GPHN: variants seen among roughly 807,000 people sequenced by gnomAD.
GPHN encodes gephyrin.
In GPHN, 17 loss-of-function variants were observed where a neutral mutation model predicts 95.5. The observed-to-expected ratio is 0.18, with a 90% CI of 0.12 to 0.27. The LOEUF (loss-of-function observed/expected upper bound fraction) is 0.27, where lower values mean the gene tolerates loss of function less well. Ranked by LOEUF, GPHN falls within the 10% of genes least tolerant of loss-of-function variation. The pLI, the probability that GPHN is intolerant of heterozygous loss-of-function variation, is 1.00. For synonymous variants in GPHN, 320 were observed against 322.5 expected (o/e 0.99, Z 0.08); for missense variants, 660 against 978.1 (o/e 0.67, Z 4.34).
chr14:67,630,010 C>T, the GPHN span, among the ~76,000 whole-genome samples: 1 of 152,178 alleles, frequency 6.6e-6, no homozygotes, highest in Non-Finnish European at 1.5e-5. Context: ...GAAGAGCCCT[C>T]GTTCTCAGTG....
chr14:67,640,874 T>C, the GPHN span, among the ~76,000 whole-genome samples: 2 of 152,204 alleles, frequency 1.3e-5, no homozygotes, highest in Non-Finnish European at 2.9e-5. Flanking sequence ...TAGTAAAGGA[T>C]AGAGGTTGAG....
chr14:66,925,089 C>T (rs1444496437), intron 8 of GPHN, among the ~76,000 whole-genome samples: 1 of 152,064 alleles, frequency 6.6e-6, no homozygotes, highest in Non-Finnish European at 1.5e-5. Context: ...AACTTAGCAT[C>T]CATAGTCTCT....
the GPHN span, among the ~76,000 whole-genome samples, chr14:67,451,383 C>T: frequency 0.41 from 62,935 of 152,034 alleles, 13,322 homozygotes; most frequent in Middle Eastern, 0.5. Flanking sequence ...AGCTTGCACC[C>T]GTCACCTGGA....
the GPHN span, among the ~76,000 whole-genome samples, chr14:67,456,364 G>C: frequency 6.6e-6 from 1 of 152,158 alleles, no homozygotes; most frequent in East Asian, 1.9e-4. Flanking sequence ...GCTTTGGGAG[G>C]CTGAGGTGGG....
chr14:66,985,644 T>C, intron 9 of GPHN: 1 of 1,409,230 alleles, frequency 7.1e-7, no homozygotes, highest in Non-Finnish European at 9.7e-7. Context: ...TCACTTTTTC[T>C]TTATTCTGTC....
chr14:67,424,360 ACAGTC>A, the GPHN span, among the ~76,000 whole-genome samples: 17 of 151,904 alleles, frequency 1.1e-4, no homozygotes, highest in African/African-American at 3.9e-4. Context: ...ATTCAAGCCT[ACAGTC>A]CTAGCACTCT....
At chr14:66,642,874 A>T (rs1324766364) in intron 1 of GPHN, among the ~76,000 whole-genome samples, 1 of 152,052 alleles carries the variant, frequency 6.6e-6, no homozygotes, top group Non-Finnish European at 1.5e-5. Context: ...TGAAAGATTT[A>T]AAAAATAAAG....
In GPHN at chr14:66,550,853, T is replaced by G. The variant is rs765915692; in HGVS notation, c.64+42262T>G. ...CATTTTTTTAGCAGTAAGGTTTTTT[T>G]TTGTTGTTGTTGTTTTTTTTTGAGA... is the stretch of plus-strand genomic sequence containing the variant. On this transcript the variant is annotated intron_variant, in intron 1 of 22. Transcript: ENST00000478722. Among the ~76,000 whole-genome samples the G allele has an allele frequency of 1.4e-4, 21 of 152,094 alleles. 2 individuals carry two copies. Among genetic ancestry groups the G allele is most frequent in the South Asian group, 2.1e-4 (1 of 4,816 alleles).
chr14:66,824,390 G>A, intron 3 of GPHN, 84 bp from the exon 4 acceptor site: 1 of 718,048 alleles, frequency 1.4e-6, no homozygotes, highest in Non-Finnish European at 2.6e-6. Flanking sequence ...TTTCCTCGTT[G>A]AATACAAAGT....
the GPHN span, chr14:67,652,279 TC>T: frequency 6.6e-6 from 1 of 152,430 alleles, no homozygotes; most frequent in Admixed American, 6.5e-5. Flanking sequence ...AATATTGTCT[TC>T]AAAGAAGGAC....
At chr14:66,609,884 A>T (rs1389038804) in intron 1 of GPHN, among the ~76,000 whole-genome samples, 1 of 152,158 alleles carries the variant, frequency 6.6e-6, no homozygotes, top group Non-Finnish European at 1.5e-5. Flanking sequence ...CCTTTCTCGT[A>T]AAGCCATTGA....
At chr14:67,674,533 CT>C in the GPHN span, 3 of 1,521,958 alleles carry the variant, frequency 2.0e-6, no homozygotes, top group Non-Finnish European at 2.6e-6. Context: ...ATTCGGGGCC[CT>C]GGGCCCTTTC....
At chr14:66,656,016 T>A (rs1461428680) in intron 1 of GPHN, among the ~76,000 whole-genome samples, 1 of 152,160 alleles carries the variant, frequency 6.6e-6, no homozygotes, top group South Asian at 2.1e-4. Flanking sequence ...TTGTTAAGGA[T>A]CTTTTGGATA....
At chr14:67,505,823 C>T in the GPHN span, among the ~76,000 whole-genome samples, 1 of 152,000 alleles carries the variant, frequency 6.6e-6, no homozygotes, top group Non-Finnish European at 1.5e-5. Flanking sequence ...TCTCCTGCAT[C>T]AGCCTCCCTG....
chr14:66,601,146 A>ACC (rs2062218996), intron 1 of GPHN, among the ~76,000 whole-genome samples: 1 of 152,058 alleles, frequency 6.6e-6, no homozygotes, highest in Non-Finnish European at 1.5e-5. Flanking sequence ...AAAGTAGTAT[A>ACC]ACTGATACCA....
the GPHN span, among the ~76,000 whole-genome samples, chr14:67,235,117 C>T: frequency 0.15 from 23,108 of 150,806 alleles, 3,327 homozygotes; most frequent in East Asian, 0.42. Context: ...GATCACGCCA[C>T]TGCATGCCAG....
intron 2 of GPHN, among the ~76,000 whole-genome samples, chr14:66,748,585 G>A (rs2058250650): frequency 6.6e-6 from 1 of 151,922 alleles, no homozygotes; most frequent in African/African-American, 2.4e-5. Context: ...TATTCCATGG[G>A]TGTGGACAAA....
chr14:67,476,740 A>G, the GPHN span, among the ~76,000 whole-genome samples: 171 of 152,294 alleles, frequency 1.1e-3, 2 homozygotes, highest in East Asian at 0.019. Context: ...ATTAGAACCA[A>G]TATCTCTTGC....
intron 1 of GPHN, among the ~76,000 whole-genome samples, chr14:66,609,352 C>T (rs1359679136): frequency 6.6e-6 from 1 of 152,114 alleles, no homozygotes; most frequent in Non-Finnish European, 1.5e-5. Context: ...TGACCTGACT[C>T]ATCTCTCTAG....
Sources: allele counts gnomAD v4.1 joint callset (sites outside exome capture counted in the v4.1 genomes callset), GRCh38; gene constraint gnomAD v4.1.1; transcripts MANE v1.5; gene names NCBI Gene and HGNC (gene_info 2026-07-23, HGNC 2026-07-21).